CYFIP2: variants seen among roughly 807,000 people sequenced by gnomAD.
The protein encoded by CYFIP2 is cytoplasmic FMR1-interacting protein 2.
In CYFIP2, 29 loss-of-function variants were observed where a neutral mutation model predicts 158.7. The observed-to-expected ratio is 0.18, with a 90% CI of 0.14 to 0.25. The LOEUF is 0.25. Ranked by LOEUF, CYFIP2 falls within the 10% of genes least tolerant of loss-of-function variation. CYFIP2 has a pLI of 1.00. For synonymous variants in CYFIP2, 585 were observed against 617.6 expected (o/e 0.95, Z 0.78); for missense variants, 852 against 1,639.5 (o/e 0.52, Z 8.29).
rs747136834 is a variant in CYFIP2, at chr5:157,341,056, T to C, written c.2586-14T>C. Reference sequence around the variant, plus strand: ...GACCATATTAACTCTTTCCCATCCCTATGCTTCTACTAGTTTTGTGCGGAC... The same window carrying C: ...GACCATATTAACTCTTTCCCATCCCCATGCTTCTACTAGTTTTGTGCGGAC... On this transcript the variant is annotated splice_polypyrimidine_tract_variant and intron_variant, in intron 22 of 30. Transcript: ENST00000620254. 1.9e-6 allele frequency: 3 copies of C among 1,612,370 alleles called. No homozygotes were observed. In the Admixed American group the frequency reaches 5.0e-5, roughly 27 times the overall value.
chr5:157,337,599 T>A (rs1343842890), intron 21 of CYFIP2, among the ~76,000 whole-genome samples: 2 of 152,160 alleles, frequency 1.3e-5, no homozygotes, highest in Non-Finnish European at 1.5e-5. Context: ...CTCCAAAAAT[T>A]GGAAGCATAG....
chr5:157,386,443 G>T (rs142373279), intron 28 of CYFIP2, among the ~76,000 whole-genome samples: 1 of 152,166 alleles, frequency 6.6e-6, no homozygotes, highest in Non-Finnish European at 1.5e-5. Context: ...TGGGATACAG[G>T]AGTATTCATG....
chr5:157,286,432 T>A (rs934481970), intron 2 of CYFIP2, among the ~76,000 whole-genome samples: 2 of 149,850 alleles, frequency 1.3e-5, no homozygotes, highest in Non-Finnish European at 3.0e-5. Flanking sequence ...GCTTTGTGAG[T>A]TGGCTTTTTA....
rs1758680375 is a variant in CYFIP2, at chr5:157,300,769, C to T, written c.442C>T (p.Arg148Cys). Residue 148 changes from arginine to cysteine, a missense_variant, in exon 6 of 31, where the codon CGC becomes TGC. By Grantham distance (180) the Arg-to-Cys change is radical (BLOSUM62 -3). Around this residue, in one of 8 missense-constraint regions of CYFIP2, gnomAD observed 123 missense variants for 316.7 expected, o/e 0.39. Coordinates refer to ENST00000620254, the MANE Select transcript of CYFIP2 (RefSeq NM_001037333.3). ...SEVKRLCHAE[R>C]RKDFVSEAYL... ...GGTGAAGCGGCTGTGCCATGCCGAG[C>T]GCAGGAAGGACTTTGTCTCTGAGGC... The T allele has an allele frequency of 3.7e-6, 6 of 1,612,812 alleles. No individual in the cohort carries two copies. Among genetic ancestry groups the T allele is most frequent in the Admixed American group, 1.7e-5 (1 of 59,884 alleles).
chr5:157,337,207 ACAGAAT>A (rs1274728320), intron 21 of CYFIP2, among the ~76,000 whole-genome samples: 4 of 152,138 alleles, frequency 2.6e-5, no homozygotes, highest in Non-Finnish European at 4.4e-5. Context: ...CCCCCAAGAG[ACAGAAT>A]CAGAAAGCTG....
At chr5:157,310,925 G>T in intron 10 of CYFIP2, 1 of 451,054 alleles carries the variant, frequency 2.2e-6, no homozygotes, top group South Asian at 1.6e-5. Context: ...GGTAGAAGAG[G>T]GTGAAGGGAG....
In CYFIP2 at chr5:157,393,844, A is replaced by G. The variant is rs1458047470; in HGVS notation, c.*844A>G. 2 of 152,220 alleles carry G rather than the reference A, an allele frequency of 1.3e-5. No homozygotes were observed. The highest frequency in any genetic ancestry group is 1.5e-5 in the Non-Finnish European group (1 of 68,048). The allele number at this position is 152,220 out of a possible 1,614,324, so 9.4% of individuals were successfully genotyped here. ...GAACAAATCAGTCATAGCACTGCCT[A>G]TAGCATTAGCCAGTGACCAAATTAG... On this transcript the variant is annotated 3_prime_UTR_variant, in exon 31 of 31. Coordinates refer to ENST00000620254, the MANE Select transcript of CYFIP2 (RefSeq NM_001037333.3).
chr5:157,346,494 CAG>C (rs1361054792), intron 23 of CYFIP2, among the ~76,000 whole-genome samples: 4 of 152,148 alleles, frequency 2.6e-5, no homozygotes, highest in African/African-American at 9.7e-5. Flanking sequence ...CAAGGGAAAA[CAG>C]AGGCAGAGAG....
chr5:157,360,912 A>T (rs1011099926), intron 25 of CYFIP2, among the ~76,000 whole-genome samples: 1 of 152,172 alleles, frequency 6.6e-6, no homozygotes, highest in African/African-American at 2.4e-5. Flanking sequence ...CAAAACCAAG[A>T]TGTCTAGTGC....
rs753355688 is a variant in CYFIP2, at chr5:157,300,710, C to T, written c.388-5C>T. 9 of 1,579,466 alleles carry T rather than the reference C, an allele frequency of 5.7e-6. No individual in the cohort carries two copies. The highest frequency in any genetic ancestry group is 1.2e-5 in the South Asian group (1 of 85,500). ...GGACCTTACTCACTGCCCCTCTGCC[C>T]CCAGCGCAAGGCCATCGAGCGGTTC... On this transcript the variant is annotated splice_polypyrimidine_tract_variant and splice_region_variant and intron_variant, in intron 5 of 30. Coordinates refer to ENST00000620254, the MANE Select transcript of CYFIP2 (RefSeq NM_001037333.3).
chr5:157,303,831 C>T (rs1444003313), intron 7 of CYFIP2, among the ~76,000 whole-genome samples: 4 of 151,826 alleles, frequency 2.6e-5, no homozygotes, highest in South Asian at 2.1e-4. Context: ...CCCTCCCCAC[C>T]GCCAGCTCTC....
intron 7 of CYFIP2, chr5:157,303,125 G>A (rs954153569): frequency 8.8e-6 from 4 of 455,754 alleles, no homozygotes; most frequent in Non-Finnish European, 1.6e-5. Context: ...CCAGTGCTCT[G>A]ACCCTGCATC....
intron 27 of CYFIP2, among the ~76,000 whole-genome samples, chr5:157,382,893 C>A (rs1766270162): frequency 6.6e-6 from 1 of 152,132 alleles, no homozygotes; most frequent in South Asian, 2.1e-4. Context: ...TTGATTCTGT[C>A]ATTCATTCAA....
At chr5:157,356,334 G>A (rs1235791680) in intron 23 of CYFIP2, among the ~76,000 whole-genome samples, 3 of 152,140 alleles carry the variant, frequency 2.0e-5, no homozygotes, top group Non-Finnish European at 4.4e-5. Context: ...CACCCTCATG[G>A]CCTGATCACC....
In CYFIP2 at chr5:157,393,739, C is replaced by G. The variant is rs1428618832; in HGVS notation, c.*739C>G. On this transcript the variant is annotated 3_prime_UTR_variant, in exon 31 of 31. Coordinates refer to ENST00000620254, the MANE Select transcript of CYFIP2 (RefSeq NM_001037333.3). Reference sequence around the variant, plus strand: ...TCCAAACAGGATGCTTTCAGGCCATCTCAGCTGCTTGATGGTGAGATGGTT... The same window carrying G: ...TCCAAACAGGATGCTTTCAGGCCATGTCAGCTGCTTGATGGTGAGATGGTT... The G allele has an allele frequency of 6.6e-6, 1 of 152,218 alleles. No homozygotes were observed. The highest frequency in any genetic ancestry group is 1.5e-5 in the Non-Finnish European group (1 of 68,072). 9.4% of individuals were successfully genotyped at this position (152,218 alleles called of 1,614,324 possible).
intron 19 of CYFIP2, among the ~76,000 whole-genome samples, chr5:157,329,980 A>G (rs1478692697): frequency 1.3e-5 from 2 of 152,218 alleles, no homozygotes; most frequent in African/African-American, 4.8e-5. Context: ...TCCAACCTGC[A>G]CTATACTTTA....
intron 14 of CYFIP2, 144 bp downstream of exon 14, chr5:157,320,072 GA>G: frequency 1.0e-6 from 1 of 995,542 alleles, no homozygotes; most frequent in Non-Finnish European, 1.5e-6. Flanking sequence ...GGGCATTTGG[GA>G]TGAATTAAGC....
intron 23 of CYFIP2, among the ~76,000 whole-genome samples, chr5:157,354,796 C>T (rs1390938821): frequency 1.3e-5 from 2 of 152,102 alleles, no homozygotes; most frequent in African/African-American, 4.8e-5. Flanking sequence ...CGTGGTAAAA[C>T]AGTTCCAATA....
At chr5:157,357,665 C>T (rs1228488607) in intron 23 of CYFIP2, among the ~76,000 whole-genome samples, 1 of 151,986 alleles carries the variant, frequency 6.6e-6, no homozygotes, top group Non-Finnish European at 1.5e-5. Context: ...CCCACCTCTA[C>T]TAAAAATACA....
Sources: allele counts gnomAD v4.1 joint callset (sites outside exome capture counted in the v4.1 genomes callset), GRCh38; gene constraint gnomAD v4.1.1; regional missense constraint gnomAD v4.1.1; transcripts MANE v1.5; gene names NCBI Gene and HGNC (gene_info 2026-07-23, HGNC 2026-07-21).